FIG4: variants seen among roughly 807,000 people sequenced by gnomAD.
FIG4 encodes the protein FIG4 phosphoinositide 5-phosphatase.
FIG4 carries 112 observed loss-of-function variants against 118.6 expected under a neutral mutation model. The observed-to-expected ratio is 0.94, with a 90% CI of 0.81 to 1.11. The LOEUF (loss-of-function observed/expected upper bound fraction) is 1.11, where lower values mean the gene tolerates loss of function less well. Among genes scored for constraint, FIG4 ranks in the 50% least tolerant of loss-of-function variants. The probability of loss-of-function intolerance (pLI) is 0.00; values close to 1 mark genes in which losing one functional copy is unlikely to be tolerated. For synonymous variants in FIG4, 369 were observed against 381.2 expected (o/e 0.97, Z 0.37); for missense variants, 969 against 1,111.7 (o/e 0.87, Z 1.83).
Position 109,766,848 on chromosome 6 carries a change from A to G in FIG4, c.1703A>G (p.Lys568Arg), listed in dbSNP as rs1064797016. Residue 568 changes from lysine (K) to arginine (R), a missense_variant, in exon 15 of 23, where the codon AAA becomes AGA. By Grantham distance (26) the Lys-to-Arg change is conservative. Coordinates refer to ENST00000230124, the MANE Select transcript of FIG4 (RefSeq NM_014845.6). ...RKIAPWTQHS[K>R]DIMQTLSRYY... ...ATAGCACCATGGACCCAGCACTCCA[A>G]AGACATCATGCAAACCCTGTCTAGA... The G allele has an allele frequency of 3.7e-6, 6 of 1,614,130 alleles. No homozygotes were observed. The East Asian group carries it at 1.1e-4, about 30-fold the overall frequency.
At chr6:109,757,319 A>G (rs1776946238) in intron 10 of FIG4, among the ~76,000 whole-genome samples, 1 of 152,204 alleles carries the variant, frequency 6.6e-6, no homozygotes, top group African/African-American at 2.4e-5. Context: ...AACATATGCG[A>G]ATCAATAAAC....
chr6:109,807,028 A>G (rs1778584021), intron 22 of FIG4, among the ~76,000 whole-genome samples: 1 of 152,164 alleles, frequency 6.6e-6, no homozygotes, highest in African/African-American at 2.4e-5. Context: ...GTTTGGTTCC[A>G]AGTCTTTGCT....
intron 10 of FIG4, among the ~76,000 whole-genome samples, chr6:109,757,681 T>G (rs1776961922): frequency 2.6e-5 from 4 of 152,188 alleles, no homozygotes; most frequent in Admixed American, 2.6e-4. Flanking sequence ...TTATCTCTGT[T>G]TGCAGAGGAC....
chr6:109,724,401 T>G (rs1406327493), intron 3 of FIG4, among the ~76,000 whole-genome samples: 1 of 152,234 alleles, frequency 6.6e-6, no homozygotes, highest in Non-Finnish European at 1.5e-5. Context: ...GCCTGCATTC[T>G]TCTAGTTTGT....
intron 3 of FIG4, among the ~76,000 whole-genome samples, chr6:109,716,885 C>T (rs1177187202): frequency 6.6e-6 from 1 of 152,110 alleles, no homozygotes; most frequent in African/African-American, 2.4e-5. Flanking sequence ...CTGTAAACAT[C>T]CACCCTGCCA....
intron 11 of FIG4, among the ~76,000 whole-genome samples, chr6:109,761,487 G>A (rs1473351920): frequency 1.3e-5 from 2 of 152,130 alleles, no homozygotes; most frequent in Admixed American, 6.5e-5. Flanking sequence ...CCGGGTTCAC[G>A]CCATTCTCCT....
intron 22 of FIG4, among the ~76,000 whole-genome samples, chr6:109,818,773 G>C (rs114862781): frequency 0.015 from 2,333 of 152,238 alleles, 46 homozygotes; most frequent in African/African-American, 0.054. Flanking sequence ...CCACTAATCT[G>C]CAAAACACAT....
chr6:109,777,623 C>T (rs1474813315), intron 16 of FIG4, among the ~76,000 whole-genome samples: 1 of 152,210 alleles, frequency 6.6e-6, no homozygotes, highest in Non-Finnish European at 1.5e-5. Context: ...CAACCAGTCT[C>T]AGTGACACTG....
intron 22 of FIG4, among the ~76,000 whole-genome samples, chr6:109,797,559 G>A (rs978953374): frequency 6.6e-6 from 1 of 152,098 alleles, no homozygotes; most frequent in Non-Finnish European, 1.5e-5. Flanking sequence ...GACCAGAAGA[G>A]GCTCCCTGAT....
At chr6:109,823,088 A>AT (rs111294768) in intron 22 of FIG4, among the ~76,000 whole-genome samples, 2 of 151,922 alleles carry the variant, frequency 1.3e-5, no homozygotes, top group East Asian at 1.9e-4. Context: ...TCTATAAATA[A>AT]TTTTTTTGTG....
chr6:109,807,182 C>G (rs1778588368), intron 22 of FIG4, among the ~76,000 whole-genome samples: 1 of 152,194 alleles, frequency 6.6e-6, no homozygotes, highest in African/African-American at 2.4e-5. Flanking sequence ...GAGGAATCGT[C>G]ACACGGTCTT....
chr6:109,729,754 A>T (rs1265136720), intron 4 of FIG4, among the ~76,000 whole-genome samples: 1 of 146,990 alleles, frequency 6.8e-6, no homozygotes, highest in Non-Finnish European at 1.5e-5. Context: ...AGCCTAGGTG[A>T]CAGAGTGAGA....
intron 22 of FIG4, among the ~76,000 whole-genome samples, chr6:109,803,402 G>A (rs924423516): frequency 1.2e-4 from 19 of 152,174 alleles, no homozygotes; most frequent in African/African-American, 4.6e-4. Flanking sequence ...GAGAGGCCAG[G>A]GGTTTTATAG....
intron 6 of FIG4, among the ~76,000 whole-genome samples, chr6:109,737,433 C>G (rs1776190884): frequency 6.6e-6 from 1 of 152,034 alleles, no homozygotes; most frequent in Admixed American, 6.6e-5. Flanking sequence ...CAAAACAGGA[C>G]TCCTATTGAT....
At chr6:109,766,580 G>A (rs531241771) in intron 14 of FIG4, 149 bp from the exon 15 acceptor site, 92 of 691,564 alleles carry the variant, frequency 1.3e-4, no homozygotes, top group South Asian at 8.9e-4. Context: ...ATATATTAGC[G>A]TTTGCATTTA....
chr6:109,699,633 A>G (rs1001818950), intron 1 of FIG4, among the ~76,000 whole-genome samples: 9 of 151,404 alleles, frequency 5.9e-5, no homozygotes, highest in African/African-American at 2.2e-4. Flanking sequence ...CTCCCAAGTA[A>G]CTGGGACTAC....
chr6:109,806,903 G>T (rs1346898764), intron 22 of FIG4, among the ~76,000 whole-genome samples: 1 of 152,096 alleles, frequency 6.6e-6, no homozygotes, highest in Non-Finnish European at 1.5e-5. Context: ...ATTGTTTCCA[G>T]CATCATCCAT....
In FIG4 at chr6:109,791,427, C is replaced by A. The variant is rs760578430; in HGVS notation, c.2232C>A (p.Ser744Arg). The A allele has an allele frequency of 6.2e-7, 1 of 1,613,498 alleles. No individual in the cohort carries two copies. The highest frequency in any genetic ancestry group is 8.5e-7 in the Non-Finnish European group (1 of 1,179,988). ...TATTACAGCGGAAAACGGCAGCCAG[C>A]GCCCCGCCGCCCCCCAGCGAGGAGG... Reference protein sequence around the residue: ...EAVLQRKTAASAPPPPSEEAV... With the variant: ...EAVLQRKTAARAPPPPSEEAV... Residue 744 changes from serine (S) to arginine (R), a missense_variant, in exon 20 of 23, where the codon AGC becomes AGA. By Grantham distance (110) the Ser-to-Arg change is moderately radical (BLOSUM62 -1). This residue lies in a region of FIG4 where 330 missense variants were observed against 348.1 expected (regional missense o/e 0.95). Transcript: ENST00000230124.
chr6:109,765,415 C>T (rs1447787642), intron 14 of FIG4, among the ~76,000 whole-genome samples: 3 of 152,048 alleles, frequency 2.0e-5, no homozygotes, highest in Non-Finnish European at 4.4e-5. Flanking sequence ...CAGTTTCATT[C>T]TTCAGCATAT....
Sources: gnomAD v4.1 joint callset for allele counts (sites outside exome capture counted in the v4.1 genomes callset) on GRCh38, gnomAD v4.1.1 for gene constraint, gnomAD v4.1.1 regional missense constraint, MANE v1.5 for transcripts, NCBI Gene and HGNC (gene_info 2026-07-23, HGNC 2026-07-21) for gene names.